Variants in RPGRIP1L observed in about 807,000 individuals in gnomAD.
The protein encoded by RPGRIP1L is RPGRIP1 like, also known as protein fantom.
A neutral mutation model predicts 160.4 loss-of-function variants in RPGRIP1L; 131 were observed. The ratio of observed to expected loss-of-function variants is 0.82; its 90% confidence interval spans 0.71 to 0.94. RPGRIP1L has a LOEUF of 0.94. Among genes scored for constraint, RPGRIP1L ranks in the 40% least tolerant of loss-of-function variants. The pLI is 0.00. For missense variants in RPGRIP1L, 1,522 were observed against 1,535.8 expected (o/e 0.99, Z 0.15); for synonymous variants, 510 against 515.8 (o/e 0.99, Z 0.15).
At chr16:53,667,671 G>A (rs546776159) in intron 9 of RPGRIP1L, among the ~76,000 whole-genome samples, 7 of 152,202 alleles carry the variant, frequency 4.6e-5, no homozygotes, top group Non-Finnish European at 8.8e-5. Context: ...TCAGGAGTTC[G>A]AGACCAGCCT....
intron 16 of RPGRIP1L, 60 bp downstream of exon 16, chr16:53,648,904 A>G: frequency 1.4e-6 from 2 of 1,462,872 alleles, no homozygotes; most frequent in Admixed American, 3.4e-5. Flanking sequence ...AGCACGACAC[A>G]TAAATAAATA....
intron 22 of RPGRIP1L, among the ~76,000 whole-genome samples, chr16:53,632,167 A>G (rs62050406): frequency 0.06 from 9,139 of 152,310 alleles, 488 homozygotes; most frequent in African/African-American, 0.14. Context: ...CAACATTTCT[A>G]AGAAATAACT....
intron 10 of RPGRIP1L, among the ~76,000 whole-genome samples, chr16:53,661,439 G>T (rs1436461691): frequency 6.6e-6 from 1 of 152,022 alleles, no homozygotes; most frequent in Admixed American, 6.6e-5. Flanking sequence ...TTAGAGAATA[G>T]AATAAGTAAG....
Position 53,645,742 on chromosome 16 carries a change from G to A in RPGRIP1L, c.2566C>T (p.Leu856Phe), listed in dbSNP as rs774095133. Residue 856 changes from leucine to phenylalanine, a missense_variant, in exon 17 of 27, where the codon CTT becomes TTT. Coordinates refer to ENST00000647211, the MANE Select transcript of RPGRIP1L (RefSeq NM_015272.5). ...VPMNMDLDRY[L>F]KSESLSFYVF... ...TAAAAACTCAGAGACTCTGACTTAA[G>A]GTATCGATCCAAGTCCATATTCATT... 1 of 1,614,066 alleles carries A rather than the reference G, an allele frequency of 6.2e-7. No homozygotes were observed. The highest frequency in any genetic ancestry group is 1.1e-5 in the South Asian group (1 of 91,070).
chr16:53,653,051 T>G, intron 14 of RPGRIP1L, 64 bp from the exon 15 acceptor site: 1 of 1,369,382 alleles, frequency 7.3e-7, no homozygotes, highest in South Asian at 1.2e-5. Context: ...GAAAACTGGC[T>G]TTTGAAGTGT....
At chr16:53,700,042 C>A (rs1971264535) in intron 2 of RPGRIP1L, among the ~76,000 whole-genome samples, 1 of 152,086 alleles carries the variant, frequency 6.6e-6, no homozygotes, top group Non-Finnish European at 1.5e-5. Flanking sequence ...ACATGCATGA[C>A]AGCATAGCTG....
At chr16:53,617,382 C>A (rs1276510743) in intron 24 of RPGRIP1L, among the ~76,000 whole-genome samples, 2 of 152,128 alleles carry the variant, frequency 1.3e-5, no homozygotes, top group Non-Finnish European at 1.5e-5. Context: ...GGGTATCTTT[C>A]TTAAAATTAG....
At chr16:53,670,698 C>T (rs1335249811) in intron 9 of RPGRIP1L, among the ~76,000 whole-genome samples, 1 of 152,154 alleles carries the variant, frequency 6.6e-6, no homozygotes, top group Non-Finnish European at 1.5e-5. Flanking sequence ...TGTAAGTGGA[C>T]ACCTTTGCTT....
In RPGRIP1L at chr16:53,663,178, AT is replaced by A. The variant is rs556974087; in HGVS notation, c.1243+1691del. Among the ~76,000 whole-genome samples, 5 of 152,098 alleles carry A rather than the reference AT, an allele frequency of 3.3e-5. No homozygotes were observed. The South Asian group carries it at 1.0e-3, about 32-fold the overall frequency. On this transcript the variant is annotated intron_variant, in intron 10 of 26. Coordinates refer to ENST00000647211, the MANE Select transcript of RPGRIP1L (RefSeq NM_015272.5). ...GACTTTTTCATAATGTACATGAGTT[AT>A]GTTTATTATTAAAAAAAATTCCCAA... is the stretch of plus-strand genomic sequence containing the variant.
At chr16:53,676,880 G>T (rs1055478053) in intron 6 of RPGRIP1L, among the ~76,000 whole-genome samples, 1 of 151,830 alleles carries the variant, frequency 6.6e-6, no homozygotes, top group East Asian at 1.9e-4. Flanking sequence ...TAATCCACCC[G>T]CCTCGGCCTC....
At chr16:53,695,165 T>A (rs756310070) in intron 3 of RPGRIP1L, 1 of 564,846 alleles carries the variant, frequency 1.8e-6, no homozygotes. Flanking sequence ...CAATTAGGCT[T>A]ACAAAGAAAA....
intron 18 of RPGRIP1L, 62 bp from the exon 19 acceptor site, chr16:53,641,178 T>C: frequency 6.5e-7 from 1 of 1,536,222 alleles, no homozygotes; most frequent in Non-Finnish European, 9.0e-7. Flanking sequence ...CAGATAAGAC[T>C]TTAGCTATTA....
Position 53,658,853 on chromosome 16 carries a change from CT to C in RPGRIP1L, c.1268del (p.Glu423GlyfsTer23), listed in dbSNP as rs757879760. 6.2e-7 allele frequency: 1 copy of C among 1,604,634 alleles called. No individual in the cohort carries two copies. Among genetic ancestry groups the C allele is most frequent in the South Asian group, 1.1e-5 (1 of 90,086 alleles). ...ERDQNEKLVQ[E>X]NRELQLQYLE... Reference sequence around the variant, plus strand: ...GATACTGTAACTGTAGTTCTCTATTCTCTTGAACGAGTTTTTCATTTTGATC... The same window carrying C: ...GATACTGTAACTGTAGTTCTCTATTCCTTGAACGAGTTTTTCATTTTGATC... On this transcript the variant is annotated frameshift_variant, in exon 11 of 27. Transcript: ENST00000647211. LOFTEE classifies it high-confidence loss of function.
rs192874659 is a variant in RPGRIP1L at position 53,695,895 on chromosome 16, A to G, written c.230+256T>C. On this transcript the variant is annotated intron_variant, in intron 3 of 26. Transcript: ENST00000647211. ...ATAAATATTAAACCAAAAGTTATTT[A>G]TAGGTATGATATACTAACGGCACTC... is the stretch of plus-strand genomic sequence containing the variant. The G allele has an allele frequency of 3.9e-5, 15 of 383,878 alleles. 1 individual carries two copies. The highest frequency in any genetic ancestry group is 1.5e-3 in the Middle Eastern group (2 of 1,310). 23.8% of individuals were successfully genotyped at this position (383,878 alleles called of 1,614,324 possible).
intron 4 of RPGRIP1L, 139 bp from the exon 5 acceptor site, chr16:53,688,104 A>C: frequency 1.6e-6 from 1 of 616,924 alleles, no homozygotes; most frequent in Admixed American, 2.7e-5. Flanking sequence ...AGAATTATAA[A>C]TACACTGCCA....
At chr16:53,654,099 G>A (rs547505676) in intron 14 of RPGRIP1L, among the ~76,000 whole-genome samples, 21 of 152,222 alleles carry the variant, frequency 1.4e-4, no homozygotes, top group Middle Eastern at 3.4e-3. Flanking sequence ...GAGTAGCTGG[G>A]ATTACAGGCA....
At chr16:53,654,484 A>G (rs1042834458) in intron 14 of RPGRIP1L, among the ~76,000 whole-genome samples, 4 of 152,280 alleles carry the variant, frequency 2.6e-5, no homozygotes, top group Admixed American at 1.3e-4. Context: ...CTCCATACCT[A>G]CTGTGTGAAG....
chr16:53,639,609 A>C (rs1445519597), intron 19 of RPGRIP1L, among the ~76,000 whole-genome samples: 1 of 152,124 alleles, frequency 6.6e-6, no homozygotes, highest in African/African-American at 2.4e-5. Flanking sequence ...GTGGTCATTT[A>C]CTTAGGAATC....
In RPGRIP1L at chr16:53,622,221, G is replaced by T; in HGVS notation, c.3430C>A (p.Gln1144Lys). ...CTGCTAAAATTACAAAAAATTACCT[G>T]GGTGTGGTGGCAGGCACCTGTAATC... is the stretch of plus-strand genomic sequence containing the variant. ...DGITGACHHT[Q>K]PSEKIRIEII... Residue 1144 changes from glutamine to lysine, a missense_variant and splice_region_variant, in exon 23 of 27, where the codon CAG (glutamine) becomes AAG (lysine). Transcript: ENST00000647211. The T allele has an allele frequency of 3.0e-6, 2 of 663,794 alleles. No homozygotes were observed. The highest frequency in any genetic ancestry group is 5.4e-6 in the Non-Finnish European group (2 of 367,424). The allele number at this position is 663,794 out of a possible 1,614,324, so 41.1% of individuals were successfully genotyped here.
Sources: allele counts gnomAD v4.1 joint callset (sites outside exome capture counted in the v4.1 genomes callset), GRCh38; gene constraint gnomAD v4.1.1; transcripts MANE v1.5; gene names NCBI Gene and HGNC (gene_info 2026-07-23, HGNC 2026-07-21).